The following INKA2 variants were observed in gnomAD, a reference collection of about 807,000 sequenced individuals.
INKA2 encodes the protein inka box actin regulator 2, also known as PAK4-inhibitor INKA2.
A neutral mutation model predicts 9.8 loss-of-function variants in INKA2; 3 were observed. That is an observed-to-expected ratio of 0.31 (90% CI 0.14 to 0.79). The LOEUF (loss-of-function observed/expected upper bound fraction) is 0.79. Ranked by LOEUF, INKA2 falls within the 30% of genes least tolerant of loss-of-function variation. INKA2 has a pLI of 0.62. For synonymous variants in INKA2, 147 were observed against 143.3 expected, an observed-to-expected ratio of 1.03 and a Z score of -0.18; for missense variants, 392 against 384.4, an observed-to-expected ratio of 1.02 and a Z score of -0.17.
rs575215635 is a variant in INKA2, at chr1:111,724,931, C to T, written c.*2037G>A. 6.6e-5 allele frequency: 10 copies of T among 152,262 alleles called. No individual in the cohort carries two copies. In the East Asian group the frequency reaches 1.5e-3, roughly 24 times the overall value. The allele number at this position is 152,262 out of a possible 1,614,324, so 9.4% of individuals were successfully genotyped here. A position where few individuals can be genotyped will look rare whatever the true frequency, so the allele number is the denominator to read the frequency against. On this transcript the variant is annotated 3_prime_UTR_variant, in exon 2 of 2. Coordinates refer to ENST00000357260, the MANE Select transcript of INKA2 (RefSeq NM_019099.5). ...CTGGAGAACAATGCCTTCTAGGGTC[C>T]TTCTAAGTTTGAGAGATGTGCACAT...
intron 1 of INKA2, among the ~76,000 whole-genome samples, chr1:111,737,228 A>G (rs1316238418): frequency 6.6e-6 from 1 of 152,206 alleles, no homozygotes; most frequent in Admixed American, 6.5e-5. Context: ...CCTCTCAGGC[A>G]TTGGGGGCTC....
intron 1 of INKA2, among the ~76,000 whole-genome samples, chr1:111,734,598 C>T (rs1208179628): frequency 1.3e-5 from 2 of 152,216 alleles, no homozygotes; most frequent in African/African-American, 2.4e-5. Context: ...CGTGTGTCCA[C>T]GACAGCTCTT....
intron 1 of INKA2, among the ~76,000 whole-genome samples, chr1:111,729,025 G>A (rs2101359218): frequency 6.6e-6 from 1 of 150,732 alleles, no homozygotes; most frequent in African/African-American, 2.4e-5. Flanking sequence ...GTAGTCCTCT[G>A]GCCTTAGCCT....
At position 111,724,565 on chromosome 1, in the gene INKA2, GCACA is replaced by G. The variant is rs71714685; in HGVS notation, c.*2399_*2402del. On this transcript the variant is annotated 3_prime_UTR_variant, in exon 2 of 2. Transcript: ENST00000357260. ...ACATGCAGTTTCTTAGCACGCGCAG[GCACA>G]CACACACACACACACACACACACAC... 0.12 allele frequency: 17,498 copies of G among 144,344 alleles called. 1,147 individuals are homozygous for G. The highest frequency in any genetic ancestry group is 0.19 in the African/African-American group (7,342 of 39,286). The allele number at this position is 144,344 out of a possible 1,614,324, so 8.9% of individuals were successfully genotyped here.
chr1:111,734,235 A>C (rs1662966252), intron 1 of INKA2, among the ~76,000 whole-genome samples: 2 of 151,278 alleles, frequency 1.3e-5, no homozygotes, highest in South Asian at 4.2e-4. Flanking sequence ...GGGTCTGCTT[A>C]GGCAAGGGGC....
Position 111,726,683 on chromosome 1 carries a change from T to C in INKA2, c.*285A>G. On this transcript the variant is annotated 3_prime_UTR_variant, in exon 2 of 2. Coordinates refer to ENST00000357260, the MANE Select transcript of INKA2 (RefSeq NM_019099.5). Reference sequence around the variant, plus strand: ...CTGTCACCTCCAGCCCCAAAGTGAGTGCATGCATGCCAGACAGACACACAC... The same window carrying C: ...CTGTCACCTCCAGCCCCAAAGTGAGCGCATGCATGCCAGACAGACACACAC... 1 of 422,768 alleles carries C rather than the reference T, an allele frequency of 2.4e-6. No individual in the cohort carries two copies. The highest frequency in any genetic ancestry group is 4.3e-6 in the Non-Finnish European group (1 of 234,976). The allele number at this position is 422,768 out of a possible 1,614,324, so 26.2% of individuals were successfully genotyped here.
In INKA2 at chr1:111,723,251, C is replaced by G. The variant is rs180860901; in HGVS notation, c.*3717G>C. The G allele has an allele frequency of 1.3e-4, 79 of 585,212 alleles. 1 individual carries two copies. The highest frequency in any genetic ancestry group is 1.2e-3 in the African/African-American group (65 of 52,466). The allele number at this position is 585,212 out of a possible 1,614,324, so 36.3% of individuals were successfully genotyped here. ...TGGAGGAGCCTCTCCCCAACAAGGC[C>G]CTAGGGAGGAGATGGGGATGTGGAG... On this transcript the variant is annotated 3_prime_UTR_variant, in exon 2 of 2. Coordinates refer to ENST00000357260, the MANE Select transcript of INKA2 (RefSeq NM_019099.5).
Position 111,727,269 on chromosome 1 carries a change from T to C in INKA2, c.593A>G (p.Gln198Arg), listed in dbSNP as rs1557908395. The change falls in exon 2 of 2, where the codon CAG becomes CGG. Residue 198 changes from glutamine (Q) to arginine (R), a missense_variant. Transcript: ENST00000357260. ...CAGGGCGAACCTGCGGCCCAGCTCC[T>C]GGGGCTGGCCTTTCTCTCCTTTGGG... ...REPKGEKGQP[Q>R]ELGRRFALTA... The C allele has an allele frequency of 1.2e-6, 2 of 1,614,228 alleles. No homozygotes were observed. Among genetic ancestry groups the C allele is most frequent in the Non-Finnish European group, 1.7e-6 (2 of 1,180,034 alleles).
upstream of INKA2, chr1:111,740,016 G>A (rs1663108062): frequency 6.6e-6 from 1 of 152,336 alleles, no homozygotes; most frequent in Admixed American, 6.5e-5. Context: ...TACTGAGTAT[G>A]ACAGGCGAGG....
At position 111,727,037 on chromosome 1, in the gene INKA2, G is replaced by A. The variant is rs776941733; in HGVS notation, c.825C>T (p.Pro275=). Residue 275 remains proline (P), a synonymous_variant, in exon 2 of 2, where the codon CCC becomes CCT. Transcript: ENST00000357260. The part of the protein sequence containing the change: ...TGEHRRGENP[P]TSCPKALEHS... The stretch of plus-strand genomic sequence containing the variant: ...GCTCCAGGGCCTTGGGGCAGCTTGT[G>A]GGGGGATTCTCCCCTCGCCTGTGCT... 4 of 1,613,958 alleles carry A rather than the reference G, an allele frequency of 2.5e-6. No homozygotes were observed. The highest frequency in any genetic ancestry group is 3.3e-5 in the Admixed American group (2 of 60,026).
At chr1:111,745,289 ATATATTTT>A (rs1264843822) in intron 1 of INKA2, 1 of 52,686 alleles carries the variant, frequency 1.9e-5, no homozygotes, top group African/African-American at 9.5e-5. Flanking sequence ...ATATATATAT[ATATATTTT>A]TTTTTTTTTT....
chr1:111,740,831 G>C (rs1663129014), upstream of INKA2, among the ~76,000 whole-genome samples: 1 of 152,024 alleles, frequency 6.6e-6, no homozygotes, highest in Non-Finnish European at 1.5e-5. Flanking sequence ...AATTAGCTGG[G>C]CGTGGTGGCC....
Position 111,722,506 on chromosome 1 carries a change from G to C in INKA2, c.*4462C>G, listed in dbSNP as rs1184088342. On this transcript the variant is annotated 3_prime_UTR_variant, in exon 2 of 2. Coordinates refer to ENST00000357260, the MANE Select transcript of INKA2 (RefSeq NM_019099.5). ...GAGGTCCTTAAGGGTTGACTGTGAG[G>C]GGCAGCTAGGGTGTAGGGAGTGGGA... The C allele has an allele frequency of 6.6e-6, 1 of 152,474 alleles. No individual in the cohort carries two copies. Among genetic ancestry groups the C allele is most frequent in the African/African-American group, 2.4e-5 (1 of 41,404 alleles). 9.4% of individuals were successfully genotyped at this position (152,474 alleles called of 1,614,324 possible).
At chr1:111,733,924 G>T (rs540319284) in intron 1 of INKA2, among the ~76,000 whole-genome samples, 1 of 152,264 alleles carries the variant, frequency 6.6e-6, no homozygotes, top group Admixed American at 6.5e-5. Flanking sequence ...CTGGCTGTGT[G>T]CCCTGCCTCA....
intron 1 of INKA2, among the ~76,000 whole-genome samples, chr1:111,748,865 C>A (rs1289922184): frequency 6.6e-6 from 1 of 152,230 alleles, no homozygotes; most frequent in Non-Finnish European, 1.5e-5. Flanking sequence ...GCTATTGCCT[C>A]CCCCTTCCCT....
At chr1:111,730,774 TG>T (rs1312412275) in intron 1 of INKA2, among the ~76,000 whole-genome samples, 1 of 151,236 alleles carries the variant, frequency 6.6e-6, no homozygotes, top group Non-Finnish European at 1.5e-5. Flanking sequence ...ATCTACTCCT[TG>T]AGGACAGGGG....
intron 1 of INKA2, among the ~76,000 whole-genome samples, chr1:111,736,635 A>C (rs1487563407): frequency 6.6e-6 from 1 of 152,256 alleles, no homozygotes; most frequent in Non-Finnish European, 1.5e-5. Flanking sequence ...GTGTAAACAC[A>C]AACTAAGGGC....
intron 1 of INKA2, among the ~76,000 whole-genome samples, chr1:111,729,719 A>G (rs1662863372): frequency 6.6e-6 from 1 of 152,228 alleles, no homozygotes; most frequent in Non-Finnish European, 1.5e-5. Flanking sequence ...GCACAGGGCT[A>G]AACCCAGAAG....
At chr1:111,730,776 A>G (rs1662887658) in intron 1 of INKA2, among the ~76,000 whole-genome samples, 1 of 151,190 alleles carries the variant, frequency 6.6e-6, no homozygotes, top group African/African-American at 2.5e-5. Flanking sequence ...CTACTCCTTG[A>G]GGACAGGGGC....
Sources: allele counts gnomAD v4.1 joint callset (sites outside exome capture counted in the v4.1 genomes callset), GRCh38; gene constraint gnomAD v4.1.1; transcripts MANE v1.5; gene names NCBI Gene and HGNC (gene_info 2026-07-23, HGNC 2026-07-21).